The following GAREM1 variants were observed in gnomAD, a reference collection of about 807,000 sequenced individuals.
The protein encoded by GAREM1 is GRB2 associated regulator of MAPK1 subtype 1.
Under a neutral mutation model 71.3 loss-of-function variants are expected in GAREM1, and 26 were observed. The observed-to-expected ratio is 0.36, with a 90% CI of 0.27 to 0.51. GAREM1 has a LOEUF of 0.51. Among genes scored for constraint, GAREM1 ranks in the 20% least tolerant of loss-of-function variants. The pLI is 0.95. For synonymous variants in GAREM1, 440 were observed against 433.2 expected, an observed-to-expected ratio of 1.02 and a Z score of -0.20; for missense variants, 1,026 against 1,103.1, an observed-to-expected ratio of 0.93 and a Z score of 0.99.
intron 4 of GAREM1, among the ~76,000 whole-genome samples, chr18:32,272,455 C>T (rs1263240842): frequency 1.3e-5 from 2 of 152,176 alleles, no homozygotes; most frequent in Non-Finnish European, 1.5e-5. Context: ...AGAAAATATT[C>T]GGAGCAGCAG....
intron 2 of GAREM1, among the ~76,000 whole-genome samples, chr18:32,375,196 T>TA (rs1293065255): frequency 6.6e-6 from 1 of 152,174 alleles, no homozygotes; most frequent in Non-Finnish European, 1.5e-5. Flanking sequence ...TTAAACATTT[T>TA]AGGAACTGAG....
intron 2 of GAREM1, among the ~76,000 whole-genome samples, chr18:32,384,308 G>C (rs368191242): frequency 2.0e-5 from 3 of 152,052 alleles, no homozygotes; most frequent in Non-Finnish European, 4.4e-5. Flanking sequence ...GGAACAAAAC[G>C]ACCCAGTGAA....
At chr18:32,324,366 C>T (rs182698551) in intron 2 of GAREM1, among the ~76,000 whole-genome samples, 2 of 152,298 alleles carry the variant, frequency 1.3e-5, no homozygotes, top group South Asian at 2.1e-4. Context: ...TATTTGCTCC[C>T]TTTTCCACAG....
chr18:32,306,630 A>G (rs1214874546), intron 3 of GAREM1, among the ~76,000 whole-genome samples: 1 of 152,166 alleles, frequency 6.6e-6, no homozygotes, highest in East Asian at 1.9e-4. Context: ...CGTCTTCCAG[A>G]AGATGATGAG....
rs190807774 is a variant in GAREM1 at position 32,309,481 on chromosome 18, C to T, written c.393+712G>A. 3.3e-3 allele frequency among the ~76,000 whole-genome samples: 446 copies of T among 133,482 alleles called. 25 individuals carry two copies. The Middle Eastern group carries it at 0.051, about 15-fold the overall frequency. 87.6% of individuals were successfully genotyped at this position (133,482 alleles called of 152,430 possible). ...ATACAAAAAAAATAGCTGGGCGTGG[C>T]GGTGTGTGCCTATAGCCCCAGCTGC... On this transcript the variant is annotated intron_variant, in intron 3 of 5. Coordinates refer to ENST00000269209, the MANE Select transcript of GAREM1 (RefSeq NM_001242409.2).
rs1192014751 is a variant in GAREM1 at position 32,470,861 on chromosome 18, A to G, written c.-433T>C. ...GAGCCGCGGGTCTGAGAAACGCCAT[A>G]GCAGCGCTCCCAGCACTGACTAATC... On this transcript the variant is annotated 5_prime_UTR_variant, in exon 1 of 6. Coordinates refer to ENST00000269209, the MANE Select transcript of GAREM1 (RefSeq NM_001242409.2). The surrounding 1 kb of genome is among the most constrained non-coding windows in gnomAD (Gnocchi z 4.4). Among the ~76,000 whole-genome samples the G allele has an allele frequency of 1.3e-5, 2 of 150,368 alleles. No homozygotes were observed. The highest frequency in any genetic ancestry group is 3.0e-5 in the Non-Finnish European group (2 of 67,468).
At chr18:32,455,424 A>G (rs1456040183) in intron 1 of GAREM1, among the ~76,000 whole-genome samples, 1 of 152,172 alleles carries the variant, frequency 6.6e-6, no homozygotes, top group East Asian at 1.9e-4. Flanking sequence ...TACAAAAAAT[A>G]ATGGGGGAAA....
intron 2 of GAREM1, among the ~76,000 whole-genome samples, chr18:32,389,074 G>A (rs2048173097): frequency 6.6e-6 from 1 of 151,774 alleles, no homozygotes; most frequent in Non-Finnish European, 1.5e-5. Context: ...GAGGGAGGAG[G>A]GTAAGAATGA....
intron 3 of GAREM1, among the ~76,000 whole-genome samples, chr18:32,295,788 T>C (rs2047133720): frequency 6.6e-6 from 1 of 152,186 alleles, no homozygotes; most frequent in South Asian, 2.1e-4. Context: ...TGGGAATATA[T>C]GCTGCCAAGG....
At chr18:32,270,981 A>G (rs2041454159) in intron 4 of GAREM1, among the ~76,000 whole-genome samples, 1 of 136,924 alleles carries the variant, frequency 7.3e-6, no homozygotes, top group Non-Finnish European at 1.5e-5. Context: ...AGCTCAGCTC[A>G]CTGCAACCTC....
chr18:32,427,112 T>A (rs1249321943), intron 1 of GAREM1, among the ~76,000 whole-genome samples: 1 of 152,172 alleles, frequency 6.6e-6, no homozygotes, highest in African/African-American at 2.4e-5. Context: ...CTTCCCATGG[T>A]AGTTTCTGGG....
chr18:32,416,619 G>A (rs927422320), intron 1 of GAREM1, among the ~76,000 whole-genome samples: 17 of 152,052 alleles, frequency 1.1e-4, no homozygotes, highest in Admixed American at 1.0e-3. Context: ...AAATACACTG[G>A]GGGAAACACA....
intron 2 of GAREM1, among the ~76,000 whole-genome samples, chr18:32,349,191 A>G (rs1410546948): frequency 6.6e-6 from 1 of 152,192 alleles, no homozygotes; most frequent in Non-Finnish European, 1.5e-5. Flanking sequence ...TGTTCTACAA[A>G]AATCCATAAA....
chr18:32,395,635 C>T (rs1267006151), intron 1 of GAREM1, among the ~76,000 whole-genome samples: 1 of 152,152 alleles, frequency 6.6e-6, no homozygotes, highest in Non-Finnish European at 1.5e-5. Context: ...TTCAAGAAGT[C>T]ATTCTTGAGA....
intron 1 of GAREM1, among the ~76,000 whole-genome samples, chr18:32,466,892 C>A (rs1250239577): frequency 6.6e-6 from 1 of 152,104 alleles, no homozygotes; most frequent in African/African-American, 2.4e-5. Context: ...TCTCTGGGTT[C>A]TCCAGAAAAA....
At chr18:32,435,584 A>G (rs1254109132) in intron 1 of GAREM1, among the ~76,000 whole-genome samples, 4 of 152,138 alleles carry the variant, frequency 2.6e-5, no homozygotes, top group Non-Finnish European at 5.9e-5. Context: ...AGGTTTTTTT[A>G]AATAATGGGA....
chr18:32,298,123 G>A lies in GAREM1; in HGVS notation c.394-9920C>T, dbSNP rs530788153. On this transcript the variant is annotated intron_variant, in intron 3 of 5. Coordinates refer to ENST00000269209, the MANE Select transcript of GAREM1 (RefSeq NM_001242409.2). ...ATTCAACAGTTTTGTCTACATTTTC[G>A]TGTATGTGTGTACTTCTTAAATAAC... 8.4e-4 allele frequency among the ~76,000 whole-genome samples: 128 copies of A among 152,230 alleles called. 1 individual carries two copies. Among genetic ancestry groups the A allele is most frequent in the African/African-American group, 3.0e-3 (124 of 41,560 alleles).
chr18:32,294,551 G>A (rs2144487236), intron 3 of GAREM1, among the ~76,000 whole-genome samples: 1 of 152,320 alleles, frequency 6.6e-6, no homozygotes, highest in South Asian at 2.1e-4. Flanking sequence ...TTGGCAAGAA[G>A]TGACATCACT....
At chr18:32,295,280 T>C (rs898223844) in intron 3 of GAREM1, among the ~76,000 whole-genome samples, 3 of 152,120 alleles carry the variant, frequency 2.0e-5, no homozygotes, top group Non-Finnish European at 2.9e-5. Flanking sequence ...TTATAATAGA[T>C]TCCTAAATAT....
Sources: gnomAD v4.1 joint callset for allele counts (sites outside exome capture counted in the v4.1 genomes callset) on GRCh38, gnomAD v4.1.1 for gene constraint, Gnocchi (gnomAD v3.1) non-coding constraint, MANE v1.5 for transcripts, NCBI Gene and HGNC (gene_info 2026-07-23, HGNC 2026-07-21) for gene names.